The following CNBD1 variants were observed in gnomAD, a reference collection of about 807,000 sequenced individuals.
CNBD1 encodes cyclic nucleotide-binding domain-containing protein 1.
CNBD1 carries 71 observed loss-of-function variants against 54.4 expected under a neutral mutation model. The observed-to-expected ratio is 1.30, with a 90% confidence interval of 1.08 to 1.59. CNBD1 has a LOEUF of 1.59. Among genes scored for constraint, CNBD1 ranks in the 40% most tolerant of loss-of-function variants. CNBD1 has a pLI of 0.00. For synonymous variants in CNBD1, 182 were observed against 170.7 expected (o/e 1.07, Z -0.51); for missense variants, 659 against 518.0 (o/e 1.27, Z -2.64).
intron 1 of CNBD1, among the ~76,000 whole-genome samples, chr8:86,886,442 TATG>T (rs1808681883): frequency 6.6e-6 from 1 of 152,182 alleles, no homozygotes; most frequent in Non-Finnish European, 1.5e-5. Context: ...ATATGATTTA[TATG>T]ATATGATATG....
At chr8:87,236,374 A>G (rs1354224430) in intron 5 of CNBD1, among the ~76,000 whole-genome samples, 1 of 152,136 alleles carries the variant, frequency 6.6e-6, no homozygotes, top group Non-Finnish European at 1.5e-5. Flanking sequence ...TTTATGTAAG[A>G]GTAGGACAGA....
intron 4 of CNBD1, among the ~76,000 whole-genome samples, chr8:87,101,154 G>A (rs1360294850): frequency 6.6e-6 from 1 of 152,118 alleles, no homozygotes; most frequent in Non-Finnish European, 1.5e-5. Flanking sequence ...AAATTTATTA[G>A]GTGTAAAGTA....
intron 8 of CNBD1, 35 bp from the exon 9 acceptor site, chr8:87,351,650 G>C: frequency 7.0e-7 from 1 of 1,438,702 alleles, no homozygotes; most frequent in South Asian, 1.5e-5. Flanking sequence ...TTAAAGACAA[G>C]AATGTGTGAA....
At chr8:87,263,845 C>A (rs67817417) in intron 6 of CNBD1, among the ~76,000 whole-genome samples, 42,785 of 151,844 alleles carry the variant, frequency 0.28, 6,479 homozygotes, top group African/African-American at 0.39. Flanking sequence ...AGAAGATATA[C>A]TAAGAGGAAA....
intron 6 of CNBD1, among the ~76,000 whole-genome samples, chr8:87,283,772 C>T (rs1045965999): frequency 2.6e-5 from 4 of 152,062 alleles, no homozygotes; most frequent in African/African-American, 9.7e-5. Flanking sequence ...AGGCTCTCAC[C>T]TTGCATGGCT....
intron 4 of CNBD1, among the ~76,000 whole-genome samples, chr8:86,965,394 C>A (rs1185123910): frequency 6.6e-6 from 1 of 152,098 alleles, no homozygotes; most frequent in Non-Finnish European, 1.5e-5. Flanking sequence ...GACTGCTAGA[C>A]CTCCATGAAG....
intron 8 of CNBD1, among the ~76,000 whole-genome samples, chr8:87,342,230 G>T (rs1164110535): frequency 1.3e-5 from 2 of 151,260 alleles, no homozygotes; most frequent in Non-Finnish European, 2.9e-5. Flanking sequence ...CTGAGATTGT[G>T]CCACTGCACT....
At chr8:87,350,594 G>A (rs1400333004) in intron 8 of CNBD1, among the ~76,000 whole-genome samples, 1 of 151,660 alleles carries the variant, frequency 6.6e-6, no homozygotes, top group Non-Finnish European at 1.5e-5. Context: ...TTTTTATTAT[G>A]TTGATATATG....
intron 8 of CNBD1, among the ~76,000 whole-genome samples, chr8:87,302,572 G>A (rs573115748): frequency 6.6e-6 from 1 of 151,832 alleles, no homozygotes; most frequent in Non-Finnish European, 1.5e-5. Context: ...TTGAAAACTG[G>A]CACAAGACAG....
At chr8:87,423,747 T>G (rs928807304) in intron 2 of CNBD1, among the ~76,000 whole-genome samples, 1 of 151,824 alleles carries the variant, frequency 6.6e-6, no homozygotes, top group South Asian at 2.1e-4. Flanking sequence ...CTTTTTTGGT[T>G]GTGTCTCTGC....
intron 5 of CNBD1, among the ~76,000 whole-genome samples, chr8:87,223,998 GT>G (rs1814413061): frequency 6.6e-6 from 1 of 152,032 alleles, no homozygotes; most frequent in Admixed American, 6.5e-5. Flanking sequence ...GCCAGTGACG[GT>G]GAGCATTTTT....
At chr8:87,054,173 G>GA (rs1453678693) in intron 4 of CNBD1, among the ~76,000 whole-genome samples, 1 of 152,192 alleles carries the variant, frequency 6.6e-6, no homozygotes, top group Admixed American at 6.5e-5. Context: ...TCTCCCCAGG[G>GA]AAAAATCCCA....
chr8:86,928,745 C>A (rs893461619), intron 3 of CNBD1, among the ~76,000 whole-genome samples: 4 of 152,240 alleles, frequency 2.6e-5, no homozygotes, highest in Middle Eastern at 3.4e-3. Context: ...TATGAGGGAC[C>A]AAGGGATTAT....
chr8:87,366,802 C>T (rs1810651241), intron 10 of CNBD1, among the ~76,000 whole-genome samples: 2 of 151,982 alleles, frequency 1.3e-5, no homozygotes, highest in Non-Finnish European at 2.9e-5. Context: ...GCATGGGGTA[C>T]TGGGGAGAAG....
intron 4 of CNBD1, among the ~76,000 whole-genome samples, chr8:87,188,766 A>AT (rs1563500769): frequency 6.6e-6 from 1 of 151,306 alleles, no homozygotes; most frequent in African/African-American, 2.4e-5. Context: ...AAAAAAAATA[A>AT]AAATAAAAAA....
At chr8:87,090,133 G>A (rs1811177627) in intron 4 of CNBD1, among the ~76,000 whole-genome samples, 1 of 152,072 alleles carries the variant, frequency 6.6e-6, no homozygotes, top group Non-Finnish European at 1.5e-5. Flanking sequence ...TAAGTGAGGA[G>A]GATAAATGTA....
intron 4 of CNBD1, among the ~76,000 whole-genome samples, chr8:87,085,674 A>G (rs1238060070): frequency 1.3e-5 from 2 of 152,054 alleles, no homozygotes; most frequent in Admixed American, 6.5e-5. Context: ...TTCCCCTGTG[A>G]GTCTGTGCCT....
At chr8:87,410,588 A>C (rs1164171859) in intron 2 of CNBD1, among the ~76,000 whole-genome samples, 2 of 152,192 alleles carry the variant, frequency 1.3e-5, no homozygotes, top group Non-Finnish European at 2.9e-5. Context: ...AATCACAACA[A>C]AAAATTTAGA....
intron 9 of CNBD1, 124 bp from the exon 10 acceptor site, chr8:87,353,512 A>T: frequency 1.6e-6 from 1 of 612,412 alleles, no homozygotes; most frequent in Non-Finnish European, 2.7e-6. Flanking sequence ...TTTAAATACA[A>T]TTGCTAATTT....
Sources: allele counts gnomAD v4.1 joint callset (sites outside exome capture counted in the v4.1 genomes callset), GRCh38; gene constraint gnomAD v4.1.1; transcripts MANE v1.5; gene names NCBI Gene and HGNC (gene_info 2026-07-23, HGNC 2026-07-21).